GALC: variants seen among roughly 807,000 people sequenced by gnomAD.
GALC encodes galactocerebrosidase.
In GALC, 77 loss-of-function variants were observed where a neutral mutation model predicts 91.8. That is an observed-to-expected ratio of 0.84 (90% CI 0.70 to 1.01). The LOEUF is 1.01. Ranked by LOEUF, GALC falls within the 50% of genes least tolerant of loss-of-function variation. The probability of loss-of-function intolerance (pLI) is 0.00; values close to 1 mark genes in which losing one functional copy is unlikely to be tolerated. For synonymous variants in GALC, 357 were observed against 306.7 expected, an observed-to-expected ratio of 1.16 and a Z score of -1.71; for missense variants, 882 against 855.9, an observed-to-expected ratio of 1.03 and a Z score of -0.38.
In GALC at chr14:87,984,340, C is replaced by T. The variant is rs995865480; in HGVS notation, c.582+54G>A. 8.5e-5 allele frequency: 132 copies of T among 1,544,356 alleles called. No homozygotes were observed. In the Middle Eastern group the frequency reaches 1.1e-3, roughly 13 times the overall value. ...AAGTACCACAGAATCAAATTATTTT[C>T]TAAATTACAAACAAATGTCCAAAAC... On this transcript the variant is annotated intron_variant, in intron 5 of 16. Coordinates refer to ENST00000261304, the MANE Select transcript of GALC (RefSeq NM_000153.4).
chr14:87,953,268 T>C (rs1885385608), intron 10 of GALC: 3 of 1,495,684 alleles, frequency 2.0e-6, no homozygotes, highest in South Asian at 1.1e-5. Flanking sequence ...AAAAGAAAGA[T>C]AAAGGGCGGA....
At chr14:87,993,503 A>C (rs1375618214), upstream of GALC, 86 of 1,525,786 alleles carry the variant, frequency 5.6e-5, no homozygotes, top group Non-Finnish European at 7.0e-5. Context: ...CCAGCATCTC[A>C]GGGAGTATCT....
intron 15 of GALC, 56 bp from the exon 16 acceptor site, chr14:87,940,037 A>C (rs1017202258): frequency 2.2e-6 from 3 of 1,381,944 alleles, no homozygotes; most frequent in Non-Finnish European, 3.1e-6. Flanking sequence ...CAATCACAGA[A>C]TCATATAATT....
intron 7 of GALC, among the ~76,000 whole-genome samples, chr14:87,970,563 G>T (rs560984327): frequency 6.6e-6 from 1 of 152,002 alleles, no homozygotes; most frequent in Admixed American, 6.6e-5. Flanking sequence ...TTAATGTATA[G>T]ATTTATTACT....
intron 14 of GALC, 47 bp from the exon 15 acceptor site, chr14:87,941,605 G>C: frequency 8.2e-7 from 1 of 1,224,006 alleles, no homozygotes; most frequent in Non-Finnish European, 1.2e-6. Flanking sequence ...TATGCCCTTT[G>C]TAACATAGTA....
At chr14:87,992,310 G>A (rs1294924071) in intron 1 of GALC, 1 of 1,535,684 alleles carries the variant, frequency 6.5e-7, no homozygotes, top group African/African-American at 1.4e-5. Context: ...TCACCCAAAG[G>A]TCGGCCACCA....
intron 10 of GALC, among the ~76,000 whole-genome samples, chr14:87,961,536 C>T (rs1026182818): frequency 3.9e-5 from 6 of 152,130 alleles, no homozygotes; most frequent in African/African-American, 1.4e-4. Context: ...TTAGTCATAA[C>T]AGCCATGATG....
intron 7 of GALC, among the ~76,000 whole-genome samples, chr14:87,969,407 G>T (rs1886188712): frequency 6.6e-6 from 1 of 152,090 alleles, no homozygotes; most frequent in African/African-American, 2.4e-5. Flanking sequence ...TCAGTTGGTG[G>T]AAGTATAAAT....
chr14:87,980,587 CAAATTACA>C (rs1435926645), intron 6 of GALC: 4 of 632,908 alleles, frequency 6.3e-6, no homozygotes, highest in Non-Finnish European at 7.8e-6. Flanking sequence ...CTTGAAGATT[CAAATTACA>C]CATCACCTCC....
intron 1 of GALC, among the ~76,000 whole-genome samples, 196 bp from the exon 2 acceptor site, chr14:87,988,719 C>T (rs1173117142): frequency 2.7e-5 from 4 of 149,196 alleles, no homozygotes; most frequent in African/African-American, 9.7e-5. Context: ...GTCTGTCCGA[C>T]AGCTAAAAAA....
At chr14:87,952,543 A>T in intron 10 of GALC, 7 of 851,576 alleles carry the variant, frequency 8.2e-6, no homozygotes, top group Non-Finnish European at 1.4e-5. Flanking sequence ...GCTCCACTAA[A>T]AATGACAGTA....
In GALC at chr14:87,934,654, G is replaced by A. The variant is rs1290900260; in HGVS notation, c.*78C>T. 8 of 1,607,866 alleles carry A rather than the reference G, an allele frequency of 5.0e-6. No individual in the cohort carries two copies. The Admixed American group carries it at 5.0e-5, about 10-fold the overall frequency. On this transcript the variant is annotated 3_prime_UTR_variant, in exon 17 of 17. Transcript: ENST00000261304. ...CAAAAGCCTCATATACTGTTCCAAT[G>A]AAACAAGAATTGGCTCTGAACCAAA...
intron 6 of GALC, among the ~76,000 whole-genome samples, chr14:87,980,249 G>C (rs1029065758): frequency 6.6e-6 from 1 of 152,066 alleles, no homozygotes; most frequent in African/African-American, 2.4e-5. Flanking sequence ...CGGGCGTGGT[G>C]GTGGGCACCT....
intron 14 of GALC, among the ~76,000 whole-genome samples, chr14:87,942,015 G>A (rs1053289658): frequency 4.0e-5 from 6 of 151,810 alleles, no homozygotes; most frequent in Admixed American, 6.6e-5. Context: ...GCTATTCCGG[G>A]GCCAACTTTT....
chr14:87,992,365 C>T (rs1595245028), intron 1 of GALC: 13 of 1,535,606 alleles, frequency 8.5e-6, no homozygotes, highest in East Asian at 2.4e-5. Context: ...TTTCAGGCCG[C>T]TCGCTTATCT....
At chr14:87,992,157 C>A (rs1273984007) in intron 1 of GALC, 3 of 825,314 alleles carry the variant, frequency 3.6e-6, no homozygotes, top group Non-Finnish European at 5.8e-6. Context: ...TTGCAGCAGG[C>A]ATTCAAGCTT....
rs750127700 is a variant in GALC at position 87,963,457 on chromosome 14, T to C, written c.1088A>G (p.His363Arg). ...TACGTAGCTTCCTCCTTTCTCTAAA[T>C]GGCCAACTGTCTTCAGGTAATACCA... ...PGWYYLKTVG[H>R]LEKGGSYVAL... Residue 363 changes from histidine to arginine, a missense_variant, in exon 10 of 17, where the codon CAT becomes CGT. By Grantham distance (29) the His-to-Arg change is conservative. Transcript: ENST00000261304. 2.5e-6 allele frequency: 4 copies of C among 1,613,232 alleles called. No homozygotes were observed. In the East Asian group the frequency reaches 6.7e-5, roughly 27 times the overall value.
chr14:87,953,904 G>A (rs1190879249), intron 10 of GALC: 19 of 1,610,236 alleles, frequency 1.2e-5, no homozygotes, highest in Middle Eastern at 4.5e-4. Flanking sequence ...AGTGCCTTTA[G>A]CAACAGTTAC....
chr14:87,991,412 C>T (rs907108686), intron 1 of GALC, among the ~76,000 whole-genome samples: 2 of 152,186 alleles, frequency 1.3e-5, no homozygotes, highest in Non-Finnish European at 2.9e-5. Context: ...CCGTGTTAGC[C>T]AGGATAGTCT....
Sources: gnomAD v4.1 joint callset for allele counts (sites outside exome capture counted in the v4.1 genomes callset) on GRCh38, gnomAD v4.1.1 for gene constraint, MANE v1.5 for transcripts, NCBI Gene and HGNC (gene_info 2026-07-23, HGNC 2026-07-21) for gene names.